PARD3B: variants seen among roughly 807,000 people sequenced by gnomAD.
The protein encoded by PARD3B is partitioning defective 3 homolog B.
PARD3B carries 103 observed loss-of-function variants against 130.2 expected under a neutral mutation model. That is an observed-to-expected ratio of 0.79 (90% CI 0.67 to 0.93). The LOEUF (loss-of-function observed/expected upper bound fraction) is 0.93, where lower values mean the gene tolerates loss of function less well. Among genes scored for constraint, PARD3B ranks in the 40% least tolerant of loss-of-function variants. The probability of loss-of-function intolerance (pLI) is 0.00; values close to 1 mark genes in which losing one functional copy is unlikely to be tolerated. For missense variants in PARD3B, 1,609 were observed against 1,499.2 expected, an observed-to-expected ratio of 1.07 and a Z score of -1.21; for synonymous variants, 583 against 553.2, an observed-to-expected ratio of 1.05 and a Z score of -0.76.
chr2:205,099,787 G>C (rs1195391036), intron 4 of PARD3B, among the ~76,000 whole-genome samples: 1 of 152,178 alleles, frequency 6.6e-6, no homozygotes. Context: ...ATATGGAAAT[G>C]ATCTTGGCAA....
intron 2 of PARD3B, among the ~76,000 whole-genome samples, chr2:204,958,839 A>G (rs1002494783): frequency 2.0e-5 from 3 of 152,152 alleles, no homozygotes; most frequent in Non-Finnish European, 4.4e-5. Context: ...GTGTTTTAGG[A>G]TAAAAACAGA....
rs568311939 is a variant in PARD3B at position 205,424,418 on chromosome 2, G to A, written c.2742-15952G>A. 9.2e-5 allele frequency among the ~76,000 whole-genome samples: 14 copies of A among 152,234 alleles called. No homozygotes were observed. The South Asian group carries it at 2.9e-3, about 32-fold the overall frequency. On this transcript the variant is annotated intron_variant, in intron 19 of 22. Transcript: ENST00000406610. ...TTTAATGAAGACTCTATGTAACCTG[G>A]GGATGAGTGTCCAGGGCCTTGGGAA...
chr2:205,535,989 C>A (rs2051836662), intron 21 of PARD3B, among the ~76,000 whole-genome samples: 4 of 152,110 alleles, frequency 2.6e-5, no homozygotes, highest in Admixed American at 2.6e-4. Context: ...GAGACGTAAT[C>A]AAGGTGAGCC....
At position 205,040,104 on chromosome 2, in the gene PARD3B, C is replaced by T. The variant is rs563818544; in HGVS notation, c.395-7477C>T. ...TCAGCCTCCTGAGTAGCTGGGACTA[C>T]GAGTGCATGCCACCATGCCCAGCTA... On this transcript the variant is annotated intron_variant, in intron 3 of 22. Coordinates refer to ENST00000406610, the MANE Select transcript of PARD3B (RefSeq NM_001302769.2). Among the ~76,000 whole-genome samples, 191 of 152,122 alleles carry T rather than the reference C, an allele frequency of 1.3e-3. 1 individual carries two copies. Among genetic ancestry groups the T allele is most frequent in the African/African-American group, 4.2e-3 (176 of 41,516 alleles).
At chr2:204,672,872 A>G (rs541441590) in intron 1 of PARD3B, among the ~76,000 whole-genome samples, 1 of 152,340 alleles carries the variant, frequency 6.6e-6, no homozygotes, top group African/African-American at 2.4e-5. Context: ...TTGCACATCT[A>G]TTGTAAGAAG....
intron 1 of PARD3B, among the ~76,000 whole-genome samples, chr2:204,631,186 C>G (rs1378463277): frequency 1.3e-5 from 2 of 151,540 alleles, no homozygotes; most frequent in South Asian, 2.1e-4. Context: ...TTTCTTGATT[C>G]CTGCCTTAAT....
rs140160567 is a variant in PARD3B, at chr2:205,561,517, C to T, written c.3260+8114C>T. Reference sequence around the variant, plus strand: ...TCTGTACAACAAGTACTTCTCTGTGCGACAAGGCCAGCTTGTCAAATAAGA... The same window carrying T: ...TCTGTACAACAAGTACTTCTCTGTGTGACAAGGCCAGCTTGTCAAATAAGA... On this transcript the variant is annotated intron_variant, in intron 22 of 22. Coordinates refer to ENST00000406610, the MANE Select transcript of PARD3B (RefSeq NM_001302769.2). Among the ~76,000 whole-genome samples the T allele has an allele frequency of 7.9e-5, 12 of 152,214 alleles. No individual in the cohort carries two copies. In the East Asian group the frequency reaches 1.2e-3, roughly 15 times the overall value.
At chr2:205,400,115 G>A (rs1319661232) in intron 18 of PARD3B, among the ~76,000 whole-genome samples, 1 of 152,226 alleles carries the variant, frequency 6.6e-6, no homozygotes, top group Admixed American at 6.5e-5. Flanking sequence ...ACTGGAGCTC[G>A]GGAAGCCTGC....
At chr2:205,278,920 A>G (rs1000137436) in intron 16 of PARD3B, among the ~76,000 whole-genome samples, 3 of 151,702 alleles carry the variant, frequency 2.0e-5, no homozygotes, top group African/African-American at 7.3e-5. Flanking sequence ...AAAATATAAA[A>G]ATTAGCTGAG....
chr2:205,389,998 A>C (rs1016144417), intron 18 of PARD3B, among the ~76,000 whole-genome samples: 4 of 152,216 alleles, frequency 2.6e-5, no homozygotes, highest in African/African-American at 4.8e-5. Context: ...CAAACTTTTT[A>C]AAAATCAAAG....
Position 205,613,726 on chromosome 2 carries a change from T to C in PARD3B, c.3261-1730T>C, listed in dbSNP as rs372172423. Among the ~76,000 whole-genome samples, 22 of 152,296 alleles carry C rather than the reference T, an allele frequency of 1.4e-4. No individual in the cohort carries two copies. In the East Asian group the frequency reaches 4.2e-3, roughly 29 times the overall value. The stretch of plus-strand genomic sequence containing the variant: ...CTTTCATTATTATACATAGCCAAAT[T>C]AAGACAAAAAAGTAGAGAGAATTCT... On this transcript the variant is annotated intron_variant, in intron 22 of 22. Transcript: ENST00000406610.
At chr2:204,811,242 C>A (rs930882946) in intron 2 of PARD3B, among the ~76,000 whole-genome samples, 1 of 151,930 alleles carries the variant, frequency 6.6e-6, no homozygotes, top group Admixed American at 6.6e-5. Flanking sequence ...TTAATTTTTT[C>A]ATGGAGTTCT....
intron 2 of PARD3B, among the ~76,000 whole-genome samples, chr2:204,815,687 A>G (rs1324285304): frequency 6.6e-6 from 1 of 151,976 alleles, no homozygotes; most frequent in East Asian, 1.9e-4. Context: ...CTGCTTTAGC[A>G]GCATCCCACT....
chr2:205,136,301 A>T (rs1004607771), intron 10 of PARD3B, among the ~76,000 whole-genome samples: 3 of 151,926 alleles, frequency 2.0e-5, no homozygotes, highest in African/African-American at 7.3e-5. Context: ...GTAACACTCT[A>T]TGTGTTTCTC....
chr2:204,922,156 G>A (rs1262182957), intron 2 of PARD3B, among the ~76,000 whole-genome samples: 1 of 152,140 alleles, frequency 6.6e-6, no homozygotes, highest in East Asian at 1.9e-4. Flanking sequence ...TGGTTAGGAT[G>A]TGGGGAGATT....
chr2:205,567,481 A>ATTTTTTTTTTTTT (rs61638177), intron 22 of PARD3B, among the ~76,000 whole-genome samples: 1 of 113,516 alleles, frequency 8.8e-6, no homozygotes, highest in African/African-American at 3.4e-5. Context: ...TGCCCGGTTA[A>ATTTTTTTTTTTTT]TTTTTTTTTT....
intron 18 of PARD3B, among the ~76,000 whole-genome samples, chr2:205,356,123 C>CAATAAGCAAG (rs2044184379): frequency 6.6e-6 from 1 of 152,172 alleles, no homozygotes; most frequent in Non-Finnish European, 1.5e-5. Context: ...GCCACTGGTG[C>CAATAAGCAAG]CCCTTCTTGC....
intron 16 of PARD3B, among the ~76,000 whole-genome samples, chr2:205,298,840 T>TA (rs2041886346): frequency 1.3e-5 from 2 of 152,152 alleles, no homozygotes; most frequent in Admixed American, 1.3e-4. Flanking sequence ...CTTTAGACAG[T>TA]AAAGTACATG....
intron 14 of PARD3B, among the ~76,000 whole-genome samples, chr2:205,191,141 G>A (rs549138884): frequency 6.7e-6 from 1 of 148,478 alleles, no homozygotes; most frequent in Admixed American, 6.7e-5. Context: ...AAATTTTTAT[G>A]AAAACATGTG....
Sources: gnomAD v4.1 joint callset for allele counts (sites outside exome capture counted in the v4.1 genomes callset) on GRCh38, gnomAD v4.1.1 for gene constraint, MANE v1.5 for transcripts, NCBI Gene and HGNC (gene_info 2026-07-23, HGNC 2026-07-21) for gene names.